ALG9: variants seen among roughly 807,000 people sequenced by gnomAD.
The protein encoded by ALG9 is alpha-1,2-mannosyltransferase ALG9.
Under a neutral mutation model 81.8 loss-of-function variants are expected in ALG9, and 55 were observed. The observed-to-expected ratio is 0.67, with a 90% CI of 0.54 to 0.84. The LOEUF (loss-of-function observed/expected upper bound fraction) is 0.84, where lower values mean the gene tolerates loss of function less well. ALG9 is among the 40% of genes least tolerant of loss of function. The pLI, the probability that ALG9 is intolerant of heterozygous loss-of-function variation, is 0.00. For missense variants in ALG9, 629 were observed against 745.0 expected, an observed-to-expected ratio of 0.84 and a Z score of 1.81; for synonymous variants, 278 against 274.3, an observed-to-expected ratio of 1.01 and a Z score of -0.13.
intron 6 of ALG9, among the ~76,000 whole-genome samples, chr11:111,854,483 C>A (rs1555141875): frequency 1.3e-5 from 2 of 152,064 alleles, no homozygotes; most frequent in African/African-American, 4.8e-5. Flanking sequence ...GTTGGCCAGG[C>A]TGGTCTCAAA....
At chr11:111,805,629 G>C (rs548254881) in intron 14 of ALG9, among the ~76,000 whole-genome samples, 3 of 152,334 alleles carry the variant, frequency 2.0e-5, no homozygotes, top group Non-Finnish European at 4.4e-5. Context: ...ACAGTAAAAA[G>C]ATTAGTGGTT....
intron 5 of ALG9, 176 bp from the exon 6 acceptor site, chr11:111,857,913 T>G (rs1958963186): frequency 1.4e-6 from 1 of 716,486 alleles, no homozygotes; most frequent in Admixed American, 2.6e-5. Flanking sequence ...TTTAAAAAAA[T>G]GAAGTTCAAT....
intron 8 of ALG9, among the ~76,000 whole-genome samples, chr11:111,848,860 C>G (rs1380620466): frequency 1.3e-5 from 2 of 152,138 alleles, no homozygotes; most frequent in Non-Finnish European, 2.9e-5. Flanking sequence ...CCAGGCTCAG[C>G]TCAAGAGCCG....
At chr11:111,807,584 T>C (rs1184275367) in intron 14 of ALG9, among the ~76,000 whole-genome samples, 1 of 152,224 alleles carries the variant, frequency 6.6e-6, no homozygotes, top group Admixed American at 6.5e-5. Flanking sequence ...TATTATGTCT[T>C]CCCTACCCAC....
intron 6 of ALG9, among the ~76,000 whole-genome samples, chr11:111,854,965 T>C (rs1009829362): frequency 2.6e-5 from 4 of 152,212 alleles, no homozygotes; most frequent in African/African-American, 9.6e-5. Flanking sequence ...CATCGAAATG[T>C]GGCACCCAAG....
intron 14 of ALG9, among the ~76,000 whole-genome samples, chr11:111,807,359 C>T (rs1950074069): frequency 6.6e-6 from 1 of 152,156 alleles, no homozygotes; most frequent in Admixed American, 6.6e-5. Context: ...CACAGCCTTT[C>T]ACTAGCTGTT....
At chr11:111,791,724 T>A (rs574093938) in intron 14 of ALG9, among the ~76,000 whole-genome samples, 2 of 152,348 alleles carry the variant, frequency 1.3e-5, no homozygotes, top group South Asian at 4.1e-4. Flanking sequence ...TGCTGTTGCC[T>A]CAGCCAGGAA....
chr11:111,809,560 C>G (rs1384337009), intron 14 of ALG9, 83 bp downstream of exon 14: 4 of 1,546,384 alleles, frequency 2.6e-6, no homozygotes, highest in Non-Finnish European at 3.6e-6. Context: ...AGAGTCAACC[C>G]AGGACTGGAA....
At chr11:111,790,195 G>A (rs1947184335) in intron 14 of ALG9, among the ~76,000 whole-genome samples, 1 of 152,122 alleles carries the variant, frequency 6.6e-6, no homozygotes, top group Non-Finnish European at 1.5e-5. Flanking sequence ...AGCTGGGCAT[G>A]GTGGCGGGTG....
chr11:111,837,306 G>A (rs1229446150), intron 12 of ALG9, among the ~76,000 whole-genome samples, 162 bp downstream of exon 12: 12 of 152,128 alleles, frequency 7.9e-5, no homozygotes, highest in African/African-American at 2.7e-4. Context: ...GAACACAGGA[G>A]GCAGGTACAC....
chr11:111,839,805 T>A (rs1955935532), intron 10 of ALG9, among the ~76,000 whole-genome samples: 1 of 152,186 alleles, frequency 6.6e-6, no homozygotes, highest in African/African-American at 2.4e-5. Context: ...CTAATATTGA[T>A]GAACCTTGAA....
At chr11:111,826,664 G>C (rs1194786275) in intron 13 of ALG9, among the ~76,000 whole-genome samples, 2 of 152,004 alleles carry the variant, frequency 1.3e-5, no homozygotes, top group African/African-American at 4.8e-5. Flanking sequence ...AACTTCTTTT[G>C]GTACTTGATA....
In ALG9 at chr11:111,864,228, G is replaced by A. The variant is rs555822055; in HGVS notation, c.476+953C>T. On this transcript the variant is annotated intron_variant, in intron 4 of 14. Transcript: ENST00000616540. ...GCTGACCCACGACCCACCAACCCAC[G>A]AACTGGCCCGGCCCTCACGTGCACC... 5.6e-5 allele frequency: 44 copies of A among 785,954 alleles called. No homozygotes were observed. The East Asian group carries it at 9.3e-4, about 17-fold the overall frequency. The allele number at this position is 785,954 out of a possible 1,614,324, so 48.7% of individuals were successfully genotyped here. A position where few individuals can be genotyped will look rare whatever the true frequency, so the allele number is the denominator to read the frequency against.
intron 12 of ALG9, 104 bp downstream of exon 12, chr11:111,837,362 ACT>A: frequency 7.5e-7 from 1 of 1,330,728 alleles, no homozygotes; most frequent in Non-Finnish European, 1.1e-6. Flanking sequence ...TAATTCAATA[ACT>A]CTCTGTGAAA....
chr11:111,853,312 T>C, intron 8 of ALG9, 68 bp downstream of exon 8: 2 of 1,072,366 alleles, frequency 1.9e-6, no homozygotes, highest in Non-Finnish European at 2.9e-6. Flanking sequence ...GGCAACTGAA[T>C]TAAAATGCTG....
At chr11:111,861,788 CT>C (rs1211008782) in intron 4 of ALG9, among the ~76,000 whole-genome samples, 33 of 148,768 alleles carry the variant, frequency 2.2e-4, no homozygotes, top group Non-Finnish European at 2.8e-4. Flanking sequence ...TTCCCTTTCT[CT>C]TTTTTTTTTA....
intron 4 of ALG9, among the ~76,000 whole-genome samples, chr11:111,862,229 T>C (rs1219334383): frequency 2.0e-5 from 3 of 150,956 alleles, no homozygotes; most frequent in Non-Finnish European, 4.4e-5. Flanking sequence ...CTTACATGTT[T>C]CTTTTTTTTC....
chr11:111,802,241 A>G (rs1023844622), intron 14 of ALG9, among the ~76,000 whole-genome samples: 1 of 152,220 alleles, frequency 6.6e-6, no homozygotes, highest in Non-Finnish European at 1.5e-5. Context: ...GCCCCTACAC[A>G]AAGATGTGTG....
chr11:111,870,895 C>A (rs1964108628), intron 1 of ALG9: 3 of 999,472 alleles, frequency 3.0e-6, no homozygotes, highest in Non-Finnish European at 3.6e-6. Flanking sequence ...GGTACATAGC[C>A]TACTCCAATT....
Sources: allele counts gnomAD v4.1 joint callset (sites outside exome capture counted in the v4.1 genomes callset), GRCh38; gene constraint gnomAD v4.1.1; transcripts MANE v1.5; gene names NCBI Gene and HGNC (gene_info 2026-07-23, HGNC 2026-07-21).